FGF10: variants seen among roughly 807,000 people sequenced by gnomAD.
The protein encoded by FGF10 is FGF-10.
FGF10 carries 2 observed loss-of-function variants against 19.8 expected under a neutral mutation model. That is an observed-to-expected ratio of 0.10 (90% CI 0.04 to 0.32). The LOEUF (loss-of-function observed/expected upper bound fraction) is 0.32. FGF10 is among the 10% of genes least tolerant of loss of function. The pLI is 1.00. For missense variants in FGF10, 191 were observed against 246.3 expected (o/e 0.78, Z 1.50); for synonymous variants, 112 against 94.0 (o/e 1.19, Z -1.10).
intron 1 of FGF10, among the ~76,000 whole-genome samples, chr5:44,313,201 T>C (rs1839091): frequency 0.54 from 81,955 of 151,944 alleles, 24,071 homozygotes; most frequent in Non-Finnish European, 0.67. Flanking sequence ...TATGGTCAGG[T>C]AAGTTATAAT....
At position 44,349,455 on chromosome 5, in the gene FGF10, T is replaced by TCAGA. The variant is rs1208695607; in HGVS notation, c.325+38902_325+38903insTCTG. Among the ~76,000 whole-genome samples the TCAGA allele has an allele frequency of 3.1e-3, 113 of 35,988 alleles. 2 individuals carry two copies. The highest frequency in any genetic ancestry group is 8.1e-3 in the African/African-American group (80 of 9,918). The allele number at this position is 35,988 out of a possible 152,430, so 23.6% of individuals were successfully genotyped here. On this transcript the variant is annotated intron_variant, in intron 1 of 2. Coordinates refer to ENST00000264664, the MANE Select transcript of FGF10 (RefSeq NM_004465.2). ...ATATATATATATATATATATATATA[T>TCAGA]ATATATATATATATCAGAATATATA...
At chr5:44,358,105 T>G (rs925354837) in intron 1 of FGF10, among the ~76,000 whole-genome samples, 5 of 151,504 alleles carry the variant, frequency 3.3e-5, no homozygotes, top group African/African-American at 1.2e-4. Flanking sequence ...AGAAAGAATA[T>G]TATACATAAG....
chr5:44,352,897 T>A (rs1741266287), intron 1 of FGF10, among the ~76,000 whole-genome samples: 2 of 151,636 alleles, frequency 1.3e-5, no homozygotes, highest in African/African-American at 2.4e-5. Context: ...TTTGACACTA[T>A]TAAAAATAAA....
At chr5:44,313,834 A>G (rs1023564244) in intron 1 of FGF10, among the ~76,000 whole-genome samples, 2 of 152,158 alleles carry the variant, frequency 1.3e-5, no homozygotes, top group Admixed American at 1.3e-4. Context: ...TCAATCACTT[A>G]GGAAGACCTA....
At position 44,308,499 on chromosome 5, in the gene FGF10, C is replaced by T. The variant is rs189007387; in HGVS notation, c.429+1928G>A. 9.9e-5 allele frequency among the ~76,000 whole-genome samples: 15 copies of T among 152,058 alleles called. No individual in the cohort carries two copies. The East Asian group carries it at 2.5e-3, about 25-fold the overall frequency. On this transcript the variant is annotated intron_variant, in intron 2 of 2. Transcript: ENST00000264664. ...AAGAATATGTACCTGGTTCTCTTCC[C>T]CAATAATTCTGATATAGTAGATCAA...
At chr5:44,382,794 T>C (rs12519476) in intron 1 of FGF10, among the ~76,000 whole-genome samples, 1,879 of 152,252 alleles carry the variant, frequency 0.012, 74 homozygotes, top group East Asian at 0.1. Flanking sequence ...GTATATTCCA[T>C]CTTACTGTAA....
At chr5:44,340,419 C>T (rs1429679223) in intron 1 of FGF10, among the ~76,000 whole-genome samples, 2 of 152,006 alleles carry the variant, frequency 1.3e-5, no homozygotes, top group African/African-American at 4.8e-5. Context: ...AAAAAAGATA[C>T]AGCACCAACC....
intron 1 of FGF10, among the ~76,000 whole-genome samples, chr5:44,378,598 AT>A (rs1233876727): frequency 6.6e-6 from 1 of 151,986 alleles, no homozygotes; most frequent in East Asian, 1.9e-4. Context: ...CGCCCGGCTA[AT>A]TTTTTGTATT....
chr5:44,320,699 C>T (rs534818173), intron 1 of FGF10, among the ~76,000 whole-genome samples: 1 of 126,036 alleles, frequency 7.9e-6, no homozygotes, highest in East Asian at 2.3e-4. Context: ...AAGTTCAAGT[C>T]TTTGGAGGTT....
intron 1 of FGF10, among the ~76,000 whole-genome samples, chr5:44,345,691 T>C (rs566637447): frequency 4.6e-5 from 7 of 151,232 alleles, no homozygotes; most frequent in Non-Finnish European, 8.9e-5. Flanking sequence ...CCAACAATGC[T>C]GCTCAATTTC....
chr5:44,365,385 C>A (rs1252680383), intron 1 of FGF10, among the ~76,000 whole-genome samples: 4 of 150,312 alleles, frequency 2.7e-5, no homozygotes, highest in African/African-American at 9.7e-5. Flanking sequence ...TAAAAAGCTC[C>A]TTTTTGTTAT....
At chr5:44,315,985 G>A (rs1268204847) in intron 1 of FGF10, among the ~76,000 whole-genome samples, 1 of 152,178 alleles carries the variant, frequency 6.6e-6, no homozygotes, top group Non-Finnish European at 1.5e-5. Flanking sequence ...GGGCCACACA[G>A]CGGGAGGCAA....
At chr5:44,371,336 G>A (rs998850413) in intron 1 of FGF10, among the ~76,000 whole-genome samples, 1 of 152,032 alleles carries the variant, frequency 6.6e-6, no homozygotes, top group Non-Finnish European at 1.5e-5. Flanking sequence ...CATGACTTTG[G>A]ACTTCTCAGA....
rs201659493 is a variant in FGF10 at position 44,388,666 on chromosome 5, A to G, written c.17T>C (p.Leu6Pro). 3.1e-6 allele frequency: 5 copies of G among 1,614,118 alleles called. No homozygotes were observed. The highest frequency in any genetic ancestry group is 3.4e-6 in the Non-Finnish European group (4 of 1,180,024). Residue 6 changes from leucine (L) to proline (P), a missense_variant, in exon 1 of 3, where the codon CTG (leucine) becomes CCG (proline). Transcript: ENST00000264664. ...GGGAAAGGCTGAGGCACAATGTGTCAGTATCCATTTCCACATTGTACTGAA... is the reference window on the plus strand; with the variant it reads ...GGGAAAGGCTGAGGCACAATGTGTCGGTATCCATTTCCACATTGTACTGAA... MWKWI[L>P]THCASAFPHL...
At position 44,306,661 on chromosome 5, in the gene FGF10, TCA is replaced by T. The variant is rs1740083287; in HGVS notation, c.430-1471_430-1470del. Among the ~76,000 whole-genome samples the T allele has an allele frequency of 2.6e-5, 4 of 152,226 alleles. No homozygotes were observed. The South Asian group carries it at 8.3e-4, about 32-fold the overall frequency. On this transcript the variant is annotated intron_variant, in intron 2 of 2. Coordinates refer to ENST00000264664, the MANE Select transcript of FGF10 (RefSeq NM_004465.2). ...TATACCTAGGTGTCTGTAGGATTTA[TCA>T]CAGTTTAGAACATTATCAGAACCAT... is the stretch of plus-strand genomic sequence containing the variant.
In FGF10 at chr5:44,354,595, C is replaced by G. The variant is rs867501930; in HGVS notation, c.325+33763G>C. 8.0e-4 allele frequency among the ~76,000 whole-genome samples: 121 copies of G among 151,546 alleles called. 2 individuals carry two copies. Among genetic ancestry groups the G allele is most frequent in the African/African-American group, 2.7e-3 (113 of 41,460 alleles). ...CGCAGATGTAAGTAAACTTTCTATC[C>G]TGCTCAGAAAGTATCCAAATAGAAC... is the stretch of plus-strand genomic sequence containing the variant. On this transcript the variant is annotated intron_variant, in intron 1 of 2. Coordinates refer to ENST00000264664, the MANE Select transcript of FGF10 (RefSeq NM_004465.2).
chr5:44,381,548 C>T (rs1401909597), intron 1 of FGF10, among the ~76,000 whole-genome samples: 1 of 151,402 alleles, frequency 6.6e-6, no homozygotes, highest in Non-Finnish European at 1.5e-5. Context: ...TAGGGATTTA[C>T]AATGGCTCAG....
Position 44,388,883 on chromosome 5 carries a change from G to A in FGF10, c.-201C>T. ...GCTGACTCCCCTCGCTCCTTTCTCG[G>A]ATCCGCTGCCTACGCCTCTGGAGCC... On this transcript the variant is annotated 5_prime_UTR_variant, in exon 1 of 3. Transcript: ENST00000264664. The A allele has an allele frequency of 4.6e-6, 3 of 646,534 alleles. No homozygotes were observed. Among genetic ancestry groups the A allele is most frequent in the Non-Finnish European group, 8.4e-6 (3 of 355,536 alleles). 40.0% of individuals were successfully genotyped at this position (646,534 alleles called of 1,614,324 possible).
intron 1 of FGF10, among the ~76,000 whole-genome samples, chr5:44,323,293 C>A (rs1243128565): frequency 6.6e-6 from 1 of 152,038 alleles, no homozygotes; most frequent in Non-Finnish European, 1.5e-5. Context: ...AAGCATGCAG[C>A]CAGTATTTTG....
Sources: allele counts gnomAD v4.1 joint callset (sites outside exome capture counted in the v4.1 genomes callset), GRCh38; gene constraint gnomAD v4.1.1; transcripts MANE v1.5; gene names NCBI Gene and HGNC (gene_info 2026-07-23, HGNC 2026-07-21).